AGBL4: variants seen among roughly 807,000 people sequenced by gnomAD.
AGBL4 encodes AGBL carboxypeptidase 4.
A neutral mutation model predicts 66.4 loss-of-function variants in AGBL4; 58 were observed. The ratio of observed to expected loss-of-function variants is 0.87; its 90% confidence interval spans 0.71 to 1.09. AGBL4 has a LOEUF of 1.09. AGBL4 is among the 50% of genes least tolerant of loss of function. The pLI is 0.00. For missense variants in AGBL4, 579 were observed against 631.0 expected (o/e 0.92, Z 0.88); for synonymous variants, 234 against 222.9 (o/e 1.05, Z -0.44).
intron 3 of AGBL4, among the ~76,000 whole-genome samples, chr1:49,406,842 G>C (rs1645210640): frequency 6.6e-6 from 1 of 151,828 alleles, no homozygotes; most frequent in African/African-American, 2.4e-5. Context: ...GAGGTGGGCG[G>C]ATCACGAGGT....
chr1:49,958,264 C>A (rs1656805064), intron 1 of AGBL4, among the ~76,000 whole-genome samples: 1 of 152,056 alleles, frequency 6.6e-6, no homozygotes, highest in Non-Finnish European at 1.5e-5. Context: ...TGTGGGTAAC[C>A]TGACCTTTCT....
intron 4 of AGBL4, among the ~76,000 whole-genome samples, chr1:49,194,582 A>T (rs543556877): frequency 6.6e-6 from 1 of 151,926 alleles, no homozygotes. Context: ...TATTTTGTAG[A>T]TTCTGTTTCT....
chr1:49,286,435 G>A (rs955239254), intron 3 of AGBL4, among the ~76,000 whole-genome samples: 5 of 152,138 alleles, frequency 3.3e-5, no homozygotes, highest in Admixed American at 6.5e-5. Context: ...CCTGTTTGCA[G>A]ATGACATGAT....
chr1:48,614,980 A>G (rs1464639494), intron 9 of AGBL4, among the ~76,000 whole-genome samples: 3 of 152,158 alleles, frequency 2.0e-5, no homozygotes, highest in Non-Finnish European at 4.4e-5. Flanking sequence ...TGTGACAATG[A>G]CAGAAGGCTT....
chr1:49,571,673 C>T (rs1411335008), intron 3 of AGBL4, among the ~76,000 whole-genome samples: 1 of 152,052 alleles, frequency 6.6e-6, no homozygotes, highest in Admixed American at 6.6e-5. Context: ...TTACTTTAAA[C>T]TTGTCCTCTT....
At chr1:49,573,444 AT>A (rs2148873576) in intron 3 of AGBL4, among the ~76,000 whole-genome samples, 1 of 152,190 alleles carries the variant, frequency 6.6e-6, no homozygotes, top group South Asian at 2.1e-4. Context: ...CTAATTCACC[AT>A]TTGTGAGAGG....
chr1:48,930,193 A>T (rs1347320517), intron 5 of AGBL4, among the ~76,000 whole-genome samples: 2 of 151,972 alleles, frequency 1.3e-5, no homozygotes, highest in East Asian at 3.9e-4. Flanking sequence ...AAGATTAGAC[A>T]CGTGTAAGGG....
At chr1:48,973,795 T>A (rs960109915) in intron 5 of AGBL4, among the ~76,000 whole-genome samples, 3 of 152,104 alleles carry the variant, frequency 2.0e-5, no homozygotes, top group African/African-American at 7.2e-5. Context: ...TATGGTATGC[T>A]GCATCCTAGG....
At chr1:48,651,029 T>G (rs1645921797) in intron 8 of AGBL4, among the ~76,000 whole-genome samples, 1 of 152,338 alleles carries the variant, frequency 6.6e-6, no homozygotes, top group Non-Finnish European at 1.5e-5. Context: ...CACCTTGAAG[T>G]TCTCAATTCT....
At chr1:49,242,609 A>G (rs1487852147) in intron 4 of AGBL4, among the ~76,000 whole-genome samples, 1 of 151,962 alleles carries the variant, frequency 6.6e-6, no homozygotes, top group Non-Finnish European at 1.5e-5. Context: ...GAGTTATGAG[A>G]CTTGGATACT....
chr1:48,738,761 A>G (rs1404155436), intron 6 of AGBL4, among the ~76,000 whole-genome samples: 1 of 152,128 alleles, frequency 6.6e-6, no homozygotes, highest in Admixed American at 6.5e-5. Context: ...GGGAGATGAA[A>G]GTCCTTTTAG....
At chr1:49,147,604 T>A (rs904343161) in intron 4 of AGBL4, among the ~76,000 whole-genome samples, 5 of 152,012 alleles carry the variant, frequency 3.3e-5, no homozygotes, top group Non-Finnish European at 7.4e-5. Context: ...CACCTCCAGG[T>A]TTCCAGTGAA....
rs933435114 is a variant in AGBL4 at position 49,245,808 on chromosome 1, C to A, written c.339G>T (p.Gly113=). 1 of 1,549,702 alleles carries A rather than the reference C, an allele frequency of 6.5e-7. No individual in the cohort carries two copies. Among genetic ancestry groups the A allele is most frequent in the South Asian group, 1.2e-5 (1 of 83,980 alleles). Residue 113 remains glycine, a synonymous_variant, in exon 4 of 14, where the codon GGG becomes GGT. Coordinates refer to ENST00000371839, the MANE Select transcript of AGBL4 (RefSeq NM_032785.4). ...TGGTAGATTTCACCATAGGGGCCAT[C>A]CCATCTCTATAGAGACTCTTGGTTT... The part of the protein sequence containing the change: ...FSKTKSLYRD[G]MAPMVKSTSR...
intron 3 of AGBL4, among the ~76,000 whole-genome samples, chr1:49,501,560 G>T (rs1470165380): frequency 1.3e-5 from 2 of 151,656 alleles, no homozygotes; most frequent in Non-Finnish European, 1.5e-5. Flanking sequence ...TCTACCTGAA[G>T]ATTTGTCCAT....
At chr1:49,075,554 A>C (rs1013666797) in intron 4 of AGBL4, among the ~76,000 whole-genome samples, 4 of 152,108 alleles carry the variant, frequency 2.6e-5, no homozygotes, top group Non-Finnish European at 5.9e-5. Flanking sequence ...TGTTTTTGTA[A>C]GATTATTTTT....
At chr1:48,756,414 C>T (rs1364188502) in intron 6 of AGBL4, among the ~76,000 whole-genome samples, 2 of 152,158 alleles carry the variant, frequency 1.3e-5, no homozygotes, top group East Asian at 3.8e-4. Flanking sequence ...TTCCCCTCAT[C>T]AAACTTTAAA....
intron 5 of AGBL4, among the ~76,000 whole-genome samples, chr1:48,974,029 A>T (rs1010722316): frequency 6.6e-6 from 1 of 152,088 alleles, no homozygotes; most frequent in Non-Finnish European, 1.5e-5. Flanking sequence ...AACATCCTAT[A>T]TGTGCAATAA....
chr1:48,931,039 C>T (rs1442370166), intron 5 of AGBL4, among the ~76,000 whole-genome samples: 1 of 152,142 alleles, frequency 6.6e-6, no homozygotes, highest in Non-Finnish European at 1.5e-5. Flanking sequence ...AAATTGTTCC[C>T]TGTATTTTTT....
At chr1:49,861,000 G>A (rs1646559232) in intron 1 of AGBL4, among the ~76,000 whole-genome samples, 1 of 152,090 alleles carries the variant, frequency 6.6e-6, no homozygotes, top group Admixed American at 6.5e-5. Flanking sequence ...GCTGAGAGGG[G>A]GAGAACACAG....
Sources: allele counts gnomAD v4.1 joint callset (sites outside exome capture counted in the v4.1 genomes callset), GRCh38; gene constraint gnomAD v4.1.1; transcripts MANE v1.5; gene names NCBI Gene and HGNC (gene_info 2026-07-23, HGNC 2026-07-21).